ARID3B: variants seen among roughly 807,000 people sequenced by gnomAD.
ARID3B encodes AT-rich interactive domain-containing protein 3B.
ARID3B carries 10 observed loss-of-function variants against 51.9 expected under a neutral mutation model. The observed-to-expected ratio is 0.19, with a 90% CI of 0.12 to 0.33. The LOEUF (loss-of-function observed/expected upper bound fraction) is 0.33. Among genes scored for constraint, ARID3B ranks in the 10% least tolerant of loss-of-function variants. The pLI, the probability that ARID3B is intolerant of heterozygous loss-of-function variation, is 1.00. For missense variants in ARID3B, 483 were observed against 716.3 expected (o/e 0.67, Z 3.72); for synonymous variants, 205 against 279.5 (o/e 0.73, Z 2.66).
intron 2 of ARID3B, among the ~76,000 whole-genome samples, chr15:74,549,510 T>C (rs1464102708): frequency 6.8e-6 from 1 of 148,080 alleles, no homozygotes; most frequent in African/African-American, 2.5e-5. Context: ...AAGGTTGCAG[T>C]GAGTCGATAT....
At chr15:74,552,544 G>A (rs561252590) in intron 2 of ARID3B, among the ~76,000 whole-genome samples, 2 of 151,438 alleles carry the variant, frequency 1.3e-5, no homozygotes, top group Non-Finnish European at 2.9e-5. Flanking sequence ...CGCCATTGTA[G>A]TATCACACAG....
intron 4 of ARID3B, among the ~76,000 whole-genome samples, chr15:74,586,033 C>T (rs903810261): frequency 5.3e-5 from 8 of 152,218 alleles, no homozygotes; most frequent in African/African-American, 1.2e-4. Flanking sequence ...GGGAATAATG[C>T]GCCCAATCTC....
intron 8 of ARID3B, 113 bp downstream of exon 8, chr15:74,593,349 CT>C: frequency 8.5e-6 from 8 of 946,350 alleles, no homozygotes; most frequent in Admixed American, 2.3e-5. Context: ...CAGTGGCTTC[CT>C]TTTTCCTGGT....
At chr15:74,559,079 C>T (rs941079531) in intron 2 of ARID3B, among the ~76,000 whole-genome samples, 1 of 152,274 alleles carries the variant, frequency 6.6e-6, no homozygotes, top group African/African-American at 2.4e-5. Context: ...GCAGTTGTTT[C>T]TGTTCTGGTT....
chr15:74,582,750 C>T (rs1053805544), intron 4 of ARID3B, among the ~76,000 whole-genome samples: 2 of 152,140 alleles, frequency 1.3e-5, no homozygotes, highest in African/African-American at 4.8e-5. Context: ...GAAATGAGTG[C>T]TTGTGTTCAC....
At chr15:74,556,769 G>GTTTTTTT (rs2061659559) in intron 2 of ARID3B, among the ~76,000 whole-genome samples, 3 of 126,312 alleles carry the variant, frequency 2.4e-5, no homozygotes, top group South Asian at 5.4e-4. Context: ...TCTTTTTTTT[G>GTTTTTTT]TTTTTTGTTT....
At chr15:74,557,303 C>A (rs1483794920) in intron 2 of ARID3B, among the ~76,000 whole-genome samples, 1 of 151,246 alleles carries the variant, frequency 6.6e-6, no homozygotes, top group Non-Finnish European at 1.5e-5. Flanking sequence ...GTAGTCCCAG[C>A]TACTTGGGAG....
At chr15:74,588,395 G>A (rs1333450135) in intron 4 of ARID3B, among the ~76,000 whole-genome samples, 2 of 152,162 alleles carry the variant, frequency 1.3e-5, no homozygotes, top group Non-Finnish European at 2.9e-5. Flanking sequence ...TGCCTTTAGG[G>A]AAAGAAGGCG....
chr15:74,546,813 G>A (rs927744497), intron 2 of ARID3B, among the ~76,000 whole-genome samples: 1 of 152,148 alleles, frequency 6.6e-6, no homozygotes, highest in Non-Finnish European at 1.5e-5. Flanking sequence ...GAACTGGGGG[G>A]CTTTGGGTAG....
chr15:74,579,832 T>C (rs1196953939), intron 4 of ARID3B, among the ~76,000 whole-genome samples: 2 of 83,240 alleles, frequency 2.4e-5, no homozygotes, highest in African/African-American at 9.8e-5. Context: ...TGTTGCCGTG[T>C]GTGTGTGTGT....
rs576568426 is a variant in ARID3B, at chr15:74,594,434, T to C, written c.1520-1177T>C. Among the ~76,000 whole-genome samples the C allele has an allele frequency of 1.5e-4, 22 of 151,080 alleles. No homozygotes were observed. In the South Asian group the frequency reaches 1.9e-3, roughly 13 times the overall value. On this transcript the variant is annotated intron_variant, in intron 8 of 8. Transcript: ENST00000346246. ...CTGCACTCCAGCCTGGGCGACAGAG[T>C]GAGACTCCGTCTCAAAAAAAAAAAG...
At position 74,591,502 on chromosome 15, in the gene ARID3B, T is replaced by C; in HGVS notation, c.1166-58T>C. The C allele has an allele frequency of 6.3e-7, 1 of 1,593,906 alleles. No individual in the cohort carries two copies. Among genetic ancestry groups the C allele is most frequent in the Non-Finnish European group, 8.6e-7 (1 of 1,165,888 alleles). On this transcript the variant is annotated intron_variant, in intron 6 of 8. Transcript: ENST00000346246. This position sits in a 1 kb window ranked among gnomAD's most constrained non-coding sequence, Gnocchi z 5.8. ...GATGCCAGTTCCCTGTGTTCAAGAC[T>C]GGGGTTTTGGGGCAAGAGGGTCAAT...
At chr15:74,555,537 G>A (rs1423339842) in intron 2 of ARID3B, among the ~76,000 whole-genome samples, 1 of 152,050 alleles carries the variant, frequency 6.6e-6, no homozygotes, top group Non-Finnish European at 1.5e-5. Context: ...TCACTGTGTT[G>A]CCTAAGCTGG....
intron 4 of ARID3B, among the ~76,000 whole-genome samples, chr15:74,587,360 G>A (rs536906350): frequency 6.6e-6 from 1 of 152,304 alleles, no homozygotes; most frequent in East Asian, 1.9e-4. Context: ...CTAACACCCT[G>A]AAAGTGGGTG....
intron 2 of ARID3B, among the ~76,000 whole-genome samples, chr15:74,560,787 G>A (rs1274136399): frequency 6.6e-6 from 1 of 152,178 alleles, no homozygotes; most frequent in African/African-American, 2.4e-5. Context: ...TGTGTAGTAT[G>A]TGTAACCCTA....
At chr15:74,568,199 T>G (rs937543251) in intron 2 of ARID3B, among the ~76,000 whole-genome samples, 1 of 152,170 alleles carries the variant, frequency 6.6e-6, no homozygotes, top group Admixed American at 6.5e-5. Context: ...AGTGCCCAGG[T>G]GAAGCCATGA....
rs2061763997 is a variant in ARID3B, at chr15:74,582,090, C to A, written c.698-7730C>A. Reference sequence around the variant, plus strand: ...CCAGGCAGATCTGCCCAGTGGCAGGCAAAGCAGGGAAGACCCTGCAGTCCA... The same window carrying A: ...CCAGGCAGATCTGCCCAGTGGCAGGAAAAGCAGGGAAGACCCTGCAGTCCA... On this transcript the variant is annotated intron_variant, in intron 4 of 8. Coordinates refer to ENST00000346246, the MANE Select transcript of ARID3B (RefSeq NM_006465.4). Among the ~76,000 whole-genome samples the A allele has an allele frequency of 3.3e-5, 5 of 152,080 alleles. 1 individual carries two copies. In the South Asian group the frequency reaches 1.0e-3, roughly 32 times the overall value.
chr15:74,546,211 A>AT (rs1427204563), intron 2 of ARID3B, among the ~76,000 whole-genome samples: 3 of 151,830 alleles, frequency 2.0e-5, no homozygotes, highest in Non-Finnish European at 4.4e-5. Flanking sequence ...CCTCCCACTG[A>AT]TTGCTTTGGT....
intron 2 of ARID3B, among the ~76,000 whole-genome samples, chr15:74,548,292 T>C (rs2061623222): frequency 6.6e-6 from 1 of 152,096 alleles, no homozygotes; most frequent in Non-Finnish European, 1.5e-5. Context: ...TTGAGCCCAT[T>C]GGTAGAGCTA....
Sources: allele counts gnomAD v4.1 joint callset (sites outside exome capture counted in the v4.1 genomes callset), GRCh38; gene constraint gnomAD v4.1.1; non-coding constraint Gnocchi (gnomAD v3.1); transcripts MANE v1.5; gene names NCBI Gene and HGNC (gene_info 2026-07-23, HGNC 2026-07-21).